The following HIVEP1 variants were observed in gnomAD, a reference collection of about 807,000 sequenced individuals.
HIVEP1 encodes zinc finger protein 40.
In HIVEP1, 36 loss-of-function variants were observed where a neutral mutation model predicts 180.0. The observed-to-expected ratio is 0.20, with a 90% CI of 0.15 to 0.26. The LOEUF is 0.26. HIVEP1 is among the 10% of genes least tolerant of loss of function. The pLI, the probability that HIVEP1 is intolerant of heterozygous loss-of-function variation, is 1.00. For synonymous variants in HIVEP1, 1,239 were observed against 1,239.0 expected (o/e 1.00, Z 0.00); for missense variants, 3,143 against 3,268.7 (o/e 0.96, Z 0.94).
chr6:12,094,321 G>A (rs1366337447), intron 3 of HIVEP1, among the ~76,000 whole-genome samples: 1 of 151,838 alleles, frequency 6.6e-6, no homozygotes, highest in African/African-American at 2.4e-5. Context: ...TGAAATAATT[G>A]TTTCTTTTAT....
chr6:12,048,441 C>T lies in HIVEP1; in HGVS notation c.40+32773C>T, dbSNP rs1473003350. On this transcript the variant is annotated intron_variant, in intron 2 of 8. Coordinates refer to ENST00000379388, the MANE Select transcript of HIVEP1 (RefSeq NM_002114.4). ...TACATTTCCAATACTCTACCTCTCT[C>T]CAGCAATTCTTGGCCTTCCAACCAA... Among the ~76,000 whole-genome samples, 4 of 152,330 alleles carry T rather than the reference C, an allele frequency of 2.6e-5. No individual in the cohort carries two copies. In the South Asian group the frequency reaches 8.3e-4, roughly 32 times the overall value.
chr6:12,097,689 T>C (rs1270901637), intron 3 of HIVEP1, among the ~76,000 whole-genome samples: 1 of 152,150 alleles, frequency 6.6e-6, no homozygotes, highest in Non-Finnish European at 1.5e-5. Flanking sequence ...GTGTTAACCA[T>C]GTCAATATTT....
chr6:12,129,519 G>A (rs1242921902), intron 4 of HIVEP1: 1 of 598,466 alleles, frequency 1.7e-6, no homozygotes, highest in Non-Finnish European at 3.1e-6. Context: ...GCCTTTATTT[G>A]GGGGTGTCAG....
At chr6:12,106,504 G>A (rs994218847) in intron 3 of HIVEP1, among the ~76,000 whole-genome samples, 6 of 151,824 alleles carry the variant, frequency 4.0e-5, no homozygotes, top group South Asian at 2.1e-4. Flanking sequence ...AATATTAGTC[G>A]AAGAATATTT....
At chr6:12,141,289 GA>G (rs1307024635) in intron 7 of HIVEP1, among the ~76,000 whole-genome samples, 6 of 150,812 alleles carry the variant, frequency 4.0e-5, no homozygotes, top group Non-Finnish European at 7.4e-5. Context: ...AAGTGAAGGA[GA>G]AAAAAAAATC....
At chr6:12,127,645 AAAG>A (rs955872984) in intron 4 of HIVEP1, among the ~76,000 whole-genome samples, 2 of 152,196 alleles carry the variant, frequency 1.3e-5, no homozygotes, top group African/African-American at 4.8e-5. Flanking sequence ...CTCAGGGTAT[AAAG>A]AAGAGGAGAG....
downstream of HIVEP1, chr6:12,165,065 C>T (rs1017345081): frequency 4.1e-6 from 2 of 487,554 alleles, no homozygotes; most frequent in Admixed American, 2.2e-5. Flanking sequence ...GGAAAATAGC[C>T]CTGGGTTCCA....
chr6:12,095,770 G>T (rs935147804), intron 3 of HIVEP1, among the ~76,000 whole-genome samples: 1 of 151,850 alleles, frequency 6.6e-6, no homozygotes, highest in African/African-American at 2.4e-5. Context: ...TAACCCAAGG[G>T]AGTGCAACCA....
At chr6:12,183,120 A>C in the HIVEP1 span, among the ~76,000 whole-genome samples, 3 of 152,326 alleles carry the variant, frequency 2.0e-5, no homozygotes, top group South Asian at 6.2e-4. Context: ...GAACAGCAAG[A>C]AAAATGATTT....
At chr6:12,132,684 T>C (rs1764193833) in intron 6 of HIVEP1, among the ~76,000 whole-genome samples, 4 of 152,202 alleles carry the variant, frequency 2.6e-5, no homozygotes, top group Admixed American at 2.6e-4. Context: ...TACACATCTC[T>C]AATATGCTGT....
chr6:12,069,029 T>C (rs949212063), intron 2 of HIVEP1, among the ~76,000 whole-genome samples: 2 of 152,244 alleles, frequency 1.3e-5, no homozygotes, highest in African/African-American at 2.4e-5. Flanking sequence ...ACTTATGTAA[T>C]GTACAAAGTC....
intron 2 of HIVEP1, among the ~76,000 whole-genome samples, chr6:12,060,749 T>G (rs1771172537): frequency 6.6e-6 from 1 of 152,198 alleles, no homozygotes. Flanking sequence ...GTCACACAGA[T>G]GGATTTTTAA....
intron 2 of HIVEP1, among the ~76,000 whole-genome samples, chr6:12,045,344 C>T (rs550888188): frequency 4.6e-5 from 7 of 152,272 alleles, no homozygotes; most frequent in East Asian, 1.9e-4. Context: ...GCTTCTGATA[C>T]GTTAGATTCA....
At chr6:12,007,886 C>G (rs1248140600), upstream of HIVEP1, 2 of 151,510 alleles carry the variant, frequency 1.3e-5, no homozygotes, top group African/African-American at 2.4e-5. Flanking sequence ...CTTTTTTTCC[C>G]TCTAGGTATT....
At chr6:12,119,697 A>G (rs577359217) in intron 3 of HIVEP1, among the ~76,000 whole-genome samples, 193 bp from the exon 4 acceptor site, 5 of 152,354 alleles carry the variant, frequency 3.3e-5, no homozygotes, top group East Asian at 3.9e-4. Context: ...GAGTGTTTCA[A>G]TAGATTTTGA....
At chr6:12,093,131 C>G (rs1773582729) in intron 3 of HIVEP1, among the ~76,000 whole-genome samples, 1 of 152,148 alleles carries the variant, frequency 6.6e-6, no homozygotes, top group African/African-American at 2.4e-5. Context: ...GGTAAGGAGA[C>G]AGCCTCAGGC....
downstream of HIVEP1, among the ~76,000 whole-genome samples, chr6:12,167,878 A>G (rs1289483733): frequency 6.9e-6 from 1 of 144,658 alleles, no homozygotes; most frequent in Non-Finnish European, 1.5e-5. Flanking sequence ...ATACACATGT[A>G]CATGTATAGA....
intron 7 of HIVEP1, among the ~76,000 whole-genome samples, chr6:12,150,401 A>C (rs1007257222): frequency 6.6e-6 from 1 of 152,220 alleles, no homozygotes; most frequent in African/African-American, 2.4e-5. Context: ...TAATATGACG[A>C]AGTGCAGTGA....
At chr6:12,182,651 C>T in the HIVEP1 span, among the ~76,000 whole-genome samples, 841 of 152,296 alleles carry the variant, frequency 5.5e-3, 4 homozygotes, top group Admixed American at 6.0e-3. Flanking sequence ...GGGTTCTTCC[C>T]TCAATCTCAC....
Sources: gnomAD v4.1 joint callset for allele counts (sites outside exome capture counted in the v4.1 genomes callset) on GRCh38, gnomAD v4.1.1 for gene constraint, MANE v1.5 for transcripts, NCBI Gene and HGNC (gene_info 2026-07-23, HGNC 2026-07-21) for gene names.